The following DCC variants were observed in gnomAD, a reference collection of about 807,000 sequenced individuals.
The protein encoded by DCC is DCC netrin 1 receptor.
Under a neutral mutation model 172.5 loss-of-function variants are expected in DCC, and 58 were observed. That is an observed-to-expected ratio of 0.34 (90% CI 0.27 to 0.42). DCC has a LOEUF of 0.42. Among genes scored for constraint, DCC ranks in the 10% least tolerant of loss-of-function variants. The probability of loss-of-function intolerance (pLI) is 1.00; values close to 1 mark genes in which losing one functional copy is unlikely to be tolerated. For missense variants in DCC, 1,740 were observed against 1,791.0 expected (o/e 0.97, Z 0.51); for synonymous variants, 709 against 644.5 (o/e 1.10, Z -1.52).
Position 53,435,215 on chromosome 18 carries a change from T to C in DCC, c.3229+6T>C, listed in dbSNP as rs201690883. 1.3e-6 allele frequency: 2 copies of C among 1,540,426 alleles called. No homozygotes were observed. Among genetic ancestry groups the C allele is most frequent in the African/African-American group, 1.4e-5 (1 of 73,570 alleles). On this transcript the variant is annotated splice_donor_region_variant and intron_variant, in intron 22 of 28. Coordinates refer to ENST00000442544, the MANE Select transcript of DCC (RefSeq NM_005215.4). ...TGATAGAAGCACCCTAAATGGTAAG[T>C]ATATAAATTAGGTAATATTGAATTA...
intron 5 of DCC, among the ~76,000 whole-genome samples, chr18:53,047,009 T>C (rs1193491192): frequency 6.6e-6 from 1 of 151,414 alleles, no homozygotes; most frequent in Admixed American, 6.6e-5. Flanking sequence ...TCTGTTGTTC[T>C]TTTCTCCACA....
At chr18:52,923,291 T>C (rs1307214036) in intron 3 of DCC, among the ~76,000 whole-genome samples, 1 of 152,182 alleles carries the variant, frequency 6.6e-6, no homozygotes, top group African/African-American at 2.4e-5. Context: ...TTTGTTTCTC[T>C]TATTTTCCAA....
chr18:53,176,435 A>T (rs1450330597), intron 8 of DCC, among the ~76,000 whole-genome samples: 1 of 148,592 alleles, frequency 6.7e-6, no homozygotes, highest in Non-Finnish European at 1.5e-5. Context: ...CTCATCTGAC[A>T]AAGGGCTAAT....
chr18:52,685,768 C>T (rs913256056), intron 1 of DCC, among the ~76,000 whole-genome samples: 7 of 152,046 alleles, frequency 4.6e-5, no homozygotes, highest in East Asian at 1.9e-4. Flanking sequence ...TTTCAAATCA[C>T]GATCTGATAA....
chr18:52,728,737 T>A (rs1463748811), intron 1 of DCC, among the ~76,000 whole-genome samples: 1 of 152,204 alleles, frequency 6.6e-6, no homozygotes, highest in Non-Finnish European at 1.5e-5. Context: ...ATATCAGTTA[T>A]GAAAGAGCCC....
chr18:52,683,346 A>G (rs899756819), intron 1 of DCC, among the ~76,000 whole-genome samples: 1 of 152,154 alleles, frequency 6.6e-6, no homozygotes, highest in Non-Finnish European at 1.5e-5. Context: ...TATAATAGGT[A>G]GGATGAACAC....
chr18:52,893,355 A>G (rs192399548), intron 2 of DCC, among the ~76,000 whole-genome samples: 2 of 152,268 alleles, frequency 1.3e-5, no homozygotes, highest in Admixed American at 6.5e-5. Flanking sequence ...TAATAAACCT[A>G]ATACAGTGCC....
At chr18:52,403,879 C>T (rs1039542848) in intron 1 of DCC, among the ~76,000 whole-genome samples, 4 of 152,016 alleles carry the variant, frequency 2.6e-5, no homozygotes, top group Non-Finnish European at 5.9e-5. Flanking sequence ...GTGTATTGTT[C>T]ACTGAGAGAT....
At chr18:52,828,661 T>C (rs1330693421) in intron 2 of DCC, among the ~76,000 whole-genome samples, 1 of 152,170 alleles carries the variant, frequency 6.6e-6, no homozygotes, top group African/African-American at 2.4e-5. Context: ...TTTCTGAAAC[T>C]ATATGGTATG....
intron 1 of DCC, among the ~76,000 whole-genome samples, chr18:52,344,063 A>C (rs779786076): frequency 2.6e-5 from 4 of 152,272 alleles, no homozygotes; most frequent in Admixed American, 6.5e-5. Flanking sequence ...CCTTTGCTTT[A>C]ATGCTCTTAA....
At chr18:53,530,035 C>A (rs770587233) in intron 28 of DCC, among the ~76,000 whole-genome samples, 3 of 151,730 alleles carry the variant, frequency 2.0e-5, no homozygotes, top group African/African-American at 4.8e-5. Context: ...TGAGTTCTCA[C>A]ATACAAAAAA....
intron 1 of DCC, among the ~76,000 whole-genome samples, chr18:52,627,779 T>G (rs76014960): frequency 0.011 from 1,601 of 152,364 alleles, 34 homozygotes; most frequent in African/African-American, 0.036. Context: ...CTACTTTTCT[T>G]GCTTGTGAGC....
At chr18:52,552,788 G>A (rs938552975) in intron 1 of DCC, among the ~76,000 whole-genome samples, 13 of 151,960 alleles carry the variant, frequency 8.6e-5, no homozygotes, top group Non-Finnish European at 1.6e-4. Flanking sequence ...AATTCTAATT[G>A]ACATGTGTAG....
intron 19 of DCC, among the ~76,000 whole-genome samples, chr18:53,408,207 A>G (rs144573046): frequency 2.0e-5 from 3 of 152,282 alleles, no homozygotes; most frequent in Non-Finnish European, 4.4e-5. Context: ...TTGTATAGCA[A>G]TATTATCACA....
intron 1 of DCC, among the ~76,000 whole-genome samples, chr18:52,671,772 G>C (rs1415558538): frequency 1.3e-5 from 2 of 151,958 alleles, no homozygotes; most frequent in East Asian, 1.9e-4. Context: ...CTGACCTCAA[G>C]TGATCTGCCT....
At chr18:53,469,946 T>G (rs761696100) in intron 25 of DCC, among the ~76,000 whole-genome samples, 6 of 152,104 alleles carry the variant, frequency 3.9e-5, no homozygotes, top group Non-Finnish European at 5.9e-5. Flanking sequence ...TTGACATAGG[T>G]TCTCACTTAT....
At chr18:52,955,792 AATAAC>A (rs1175115373) in intron 5 of DCC, among the ~76,000 whole-genome samples, 22 of 152,172 alleles carry the variant, frequency 1.4e-4, no homozygotes, top group East Asian at 5.8e-4. Flanking sequence ...TTAATTCTCA[AATAAC>A]ATAACATATG....
intron 5 of DCC, among the ~76,000 whole-genome samples, chr18:53,053,595 CAG>C (rs1374693682): frequency 1.3e-5 from 2 of 152,080 alleles, no homozygotes; most frequent in Non-Finnish European, 2.9e-5. Flanking sequence ...GTTAAAAAGA[CAG>C]AGAAATAGTT....
chr18:53,404,743 AT>A (rs5825019), intron 19 of DCC, among the ~76,000 whole-genome samples: 60,888 of 143,048 alleles, frequency 0.43, 13,832 homozygotes, highest in Non-Finnish European at 0.55. Flanking sequence ...AAATAAAAAA[AT>A]AAAATAAAAA....
Sources: allele counts gnomAD v4.1 joint callset (sites outside exome capture counted in the v4.1 genomes callset), GRCh38; gene constraint gnomAD v4.1.1; transcripts MANE v1.5; gene names NCBI Gene and HGNC (gene_info 2026-07-23, HGNC 2026-07-21).